The following KTN1 variants were observed in gnomAD, a reference collection of about 807,000 sequenced individuals.
KTN1 encodes the protein kinectin.
A neutral mutation model predicts 222.5 loss-of-function variants in KTN1; 130 were observed. The ratio of observed to expected loss-of-function variants is 0.58; its 90% CI spans 0.51 to 0.68. KTN1 has a LOEUF of 0.68. KTN1 is among the 30% of genes least tolerant of loss of function. The pLI is 0.00. For synonymous variants in KTN1, 512 were observed against 496.3 expected, an observed-to-expected ratio of 1.03 and a Z score of -0.42; for missense variants, 1,508 against 1,500.4, an observed-to-expected ratio of 1.01 and a Z score of -0.08.
At chr14:55,675,944 T>C (rs1268938195) in intron 41 of KTN1, 26 bp downstream of exon 41, 2 of 1,498,286 alleles carry the variant, frequency 1.3e-6, no homozygotes, top group East Asian at 4.5e-5. Context: ...CCTAGAGATG[T>C]AGTATCATGA....
At chr14:55,621,305 G>GCCC (rs148521802) in intron 5 of KTN1, among the ~76,000 whole-genome samples, 1 of 151,680 alleles carries the variant, frequency 6.6e-6, no homozygotes, top group Admixed American at 6.6e-5. Flanking sequence ...AACTGTTCCA[G>GCCC]CTCTGCCTGT....
At chr14:55,591,819 G>A (rs1020011700) in intron 1 of KTN1, among the ~76,000 whole-genome samples, 21 of 151,810 alleles carry the variant, frequency 1.4e-4, no homozygotes, top group Admixed American at 5.2e-4. Flanking sequence ...CAGGTGATCC[G>A]CCCGCCTCGG....
chr14:55,678,263 T>C, intron 41 of KTN1, 89 bp from the exon 42 acceptor site: 1 of 827,652 alleles, frequency 1.2e-6, no homozygotes, highest in Admixed American at 2.2e-5. Context: ...AGAGGAGCTT[T>C]TATCTTCTAC....
chr14:55,627,674 C>A (rs1385887568), intron 5 of KTN1, among the ~76,000 whole-genome samples: 1 of 152,052 alleles, frequency 6.6e-6, no homozygotes, highest in Non-Finnish European at 1.5e-5. Flanking sequence ...TCCATGTGTT[C>A]TCATTGTTCA....
In KTN1 at chr14:55,651,880, T is replaced by C; in HGVS notation, c.2566-10T>C. ...ATTATTAATTGATTTTTCTGTCCTT[T>C]GTATTTCAGTTATCTATCACTTCCA... On this transcript the variant is annotated splice_polypyrimidine_tract_variant and intron_variant, in intron 24 of 43. Transcript: ENST00000395314. 2.6e-6 allele frequency: 4 copies of C among 1,540,108 alleles called. No homozygotes were observed. Among genetic ancestry groups the C allele is most frequent in the Non-Finnish European group, 3.6e-6 (4 of 1,119,702 alleles).
intron 1 of KTN1, among the ~76,000 whole-genome samples, chr14:55,597,493 C>T (rs571466470): frequency 4.6e-5 from 7 of 152,212 alleles, no homozygotes; most frequent in African/African-American, 1.7e-4. Flanking sequence ...GCGTAGATGT[C>T]GAATCTCTTT....
At chr14:55,678,671 G>A (rs998486280) in intron 42 of KTN1, 12 of 454,232 alleles carry the variant, frequency 2.6e-5, no homozygotes, top group Non-Finnish European at 4.8e-5. Context: ...TTCCTGGACT[G>A]TGGACAGGTA....
At chr14:55,637,503 A>G (rs767398416) in intron 11 of KTN1, 139 bp downstream of exon 11, 104 of 713,954 alleles carry the variant, frequency 1.5e-4, no homozygotes, top group Non-Finnish European at 1.9e-4. Flanking sequence ...TCTTTTGAGC[A>G]CTTGTCACAA....
At chr14:55,585,128 T>A (rs2032684857) in intron 1 of KTN1, among the ~76,000 whole-genome samples, 1 of 120,046 alleles carries the variant, frequency 8.3e-6, no homozygotes, top group Non-Finnish European at 1.7e-5. Flanking sequence ...TGAGACTGTG[T>A]CTCAAAAAAA....
At chr14:55,580,829 A>ACC (rs1458172592) in intron 1 of KTN1, among the ~76,000 whole-genome samples, 138 of 152,074 alleles carry the variant, frequency 9.1e-4, no homozygotes, top group African/African-American at 3.0e-3. Context: ...CCCGGGCCGG[A>ACC]GCTGGGCCAC....
intron 24 of KTN1, 23 bp downstream of exon 24, chr14:55,650,660 A>C: frequency 6.5e-7 from 1 of 1,542,036 alleles, no homozygotes; most frequent in Admixed American, 1.8e-5. Flanking sequence ...GAGCCATAGC[A>C]TGACAGATTT....
chr14:55,680,678 C>T lies in KTN1; in HGVS notation c.4069+993C>T, dbSNP rs764204517. ...TTGATCTTACAGGAGCGTTTTGTCTCACTTTAGAGTGATCATCCTCTGGCC... is the reference window on the plus strand; with the variant it reads ...TTGATCTTACAGGAGCGTTTTGTCTTACTTTAGAGTGATCATCCTCTGGCC... On this transcript the variant is annotated intron_variant, in intron 43 of 43. Coordinates refer to ENST00000395314, the MANE Select transcript of KTN1 (RefSeq NM_001079521.2). 11 of 1,364,432 alleles carry T rather than the reference C, an allele frequency of 8.1e-6. No homozygotes were observed. In the Admixed American group the frequency reaches 2.1e-4, roughly 26 times the overall value. 84.5% of individuals were successfully genotyped at this position (1,364,432 alleles called of 1,614,324 possible). A position where few individuals can be genotyped will look rare whatever the true frequency, so the allele number is the denominator to read the frequency against.
chr14:55,677,503 A>G (rs2045985693), intron 41 of KTN1, among the ~76,000 whole-genome samples: 1 of 151,828 alleles, frequency 6.6e-6, no homozygotes, highest in Non-Finnish European at 1.5e-5. Flanking sequence ...AAAGTTAATA[A>G]CATACTTTGT....
intron 8 of KTN1, 26 bp from the exon 9 acceptor site, chr14:55,634,500 G>T (rs754751617): frequency 1.9e-6 from 3 of 1,570,532 alleles, no homozygotes; most frequent in Non-Finnish European, 2.6e-6. Context: ...ATAACGGAAG[G>T]CTCCTAATCC....
At chr14:55,655,834 G>C (rs1013854778) in intron 28 of KTN1, among the ~76,000 whole-genome samples, 1 of 152,130 alleles carries the variant, frequency 6.6e-6, no homozygotes. Context: ...CCTAGATAAA[G>C]CCACATTTGC....
At chr14:55,682,718 A>G (rs1455387624) in intron 43 of KTN1, 1 of 152,224 alleles carries the variant, frequency 6.6e-6, no homozygotes, top group Non-Finnish European at 1.5e-5. Flanking sequence ...CGGCTAATAA[A>G]TGGGCGAGCT....
chr14:55,606,402 G>A (rs1158089230), intron 1 of KTN1, among the ~76,000 whole-genome samples: 1 of 151,942 alleles, frequency 6.6e-6, no homozygotes, highest in Non-Finnish European at 1.5e-5. Flanking sequence ...GATTTTCACT[G>A]TGTTCAGATT....
intron 38 of KTN1, 72 bp from the exon 39 acceptor site, chr14:55,672,857 A>G: frequency 7.8e-7 from 1 of 1,275,010 alleles, no homozygotes; most frequent in Non-Finnish European, 1.1e-6. Context: ...AAGTGTCATA[A>G]TTTTGTCTTG....
intron 5 of KTN1, among the ~76,000 whole-genome samples, chr14:55,619,804 A>G (rs1005338385): frequency 1.3e-5 from 2 of 152,130 alleles, no homozygotes; most frequent in Admixed American, 6.5e-5. Context: ...TTGGGTGGGG[A>G]CACAGCCAAA....
Sources: allele counts gnomAD v4.1 joint callset (sites outside exome capture counted in the v4.1 genomes callset), GRCh38; gene constraint gnomAD v4.1.1; transcripts MANE v1.5; gene names NCBI Gene and HGNC (gene_info 2026-07-23, HGNC 2026-07-21).